ACER3: variants seen among roughly 807,000 people sequenced by gnomAD.
The protein encoded by ACER3 is alkCDase 3.
A neutral mutation model predicts 48.9 loss-of-function variants in ACER3; 16 were observed. The observed-to-expected ratio is 0.33, with a 90% confidence interval of 0.22 to 0.50. The LOEUF is 0.50. Among genes scored for constraint, ACER3 ranks in the 20% least tolerant of loss-of-function variants. The probability of loss-of-function intolerance (pLI) is 0.98; values close to 1 mark genes in which losing one functional copy is unlikely to be tolerated. For synonymous variants in ACER3, 109 were observed against 107.8 expected (o/e 1.01, Z -0.07); for missense variants, 227 against 326.0 (o/e 0.70, Z 2.34).
intron 1 of ACER3, among the ~76,000 whole-genome samples, chr11:76,867,063 C>T (rs891295398): frequency 6.6e-6 from 1 of 152,128 alleles, no homozygotes; most frequent in Non-Finnish European, 1.5e-5. Flanking sequence ...AAAAGAATTA[C>T]CCGGTTAAAA....
chr11:76,949,157 G>C (rs1947566193), intron 2 of ACER3, among the ~76,000 whole-genome samples: 1 of 152,150 alleles, frequency 6.6e-6, no homozygotes, highest in Non-Finnish European at 1.5e-5. Context: ...TGAATCCAGA[G>C]GTTCCAACTG....
At chr11:77,011,345 A>G in intron 7 of ACER3, 3 of 985,560 alleles carry the variant, frequency 3.0e-6, no homozygotes, top group Non-Finnish European at 3.6e-6. Flanking sequence ...TATTGCTTTG[A>G]ACTGCCCCTG....
At chr11:76,894,088 C>T (rs1945872974) in intron 1 of ACER3, among the ~76,000 whole-genome samples, 1 of 152,038 alleles carries the variant, frequency 6.6e-6, no homozygotes, top group Non-Finnish European at 1.5e-5. Context: ...CCCAAGAGTT[C>T]AAGACCAGTT....
At position 77,025,181 on chromosome 11, in the gene ACER3, T is replaced by A. The variant is rs1721788464; in HGVS notation, c.*4854T>A. On this transcript the variant is annotated 3_prime_UTR_variant, in exon 11 of 11. Coordinates refer to ENST00000532485, the MANE Select transcript of ACER3 (RefSeq NM_018367.7). ...ATTAACTCTAAAGTTGCAGCAACCA[T>A]ATTTATTAGAGAAATCTTTAAGCAT... 6.6e-6 allele frequency: 1 copy of A among 152,136 alleles called. No individual in the cohort carries two copies. 9.4% of individuals were successfully genotyped at this position (152,136 alleles called of 1,614,324 possible).
At chr11:76,942,275 C>T (rs542216935) in intron 2 of ACER3, among the ~76,000 whole-genome samples, 1 of 152,194 alleles carries the variant, frequency 6.6e-6, no homozygotes, top group East Asian at 1.9e-4. Context: ...TCAACTTTTC[C>T]ACATTAAGTA....
intron 3 of ACER3, among the ~76,000 whole-genome samples, chr11:76,966,807 A>G (rs1376151486): frequency 1.3e-5 from 2 of 151,336 alleles, no homozygotes; most frequent in Non-Finnish European, 2.9e-5. Context: ...CATTCAAAGC[A>G]GTGTGTAGAG....
intron 6 of ACER3, chr11:76,994,108 T>C (rs1948862151): frequency 2.3e-6 from 1 of 443,356 alleles, no homozygotes; most frequent in African/African-American, 2.1e-5. Flanking sequence ...ATTTATTTTA[T>C]TCAACTATAT....
chr11:76,962,352 TG>T (rs1452358619), intron 3 of ACER3, among the ~76,000 whole-genome samples: 5 of 150,402 alleles, frequency 3.3e-5, no homozygotes, highest in Non-Finnish European at 7.4e-5. Context: ...CCTGAGTAGC[TG>T]GGGTTATAAG....
intron 3 of ACER3, among the ~76,000 whole-genome samples, chr11:76,974,510 G>A (rs1948387268): frequency 6.6e-6 from 1 of 152,212 alleles, no homozygotes; most frequent in Non-Finnish European, 1.5e-5. Flanking sequence ...GGAAGTAGAA[G>A]TCAGATATGA....
intron 1 of ACER3, among the ~76,000 whole-genome samples, chr11:76,901,489 G>A (rs1409743072): frequency 2.0e-5 from 3 of 152,068 alleles, no homozygotes; most frequent in Admixed American, 6.6e-5. Flanking sequence ...AAATCCAACT[G>A]CCTTTGCACA....
intron 6 of ACER3, among the ~76,000 whole-genome samples, chr11:76,997,024 C>T (rs572722700): frequency 2.6e-5 from 4 of 152,326 alleles, no homozygotes; most frequent in Admixed American, 6.5e-5. Context: ...CCACACCCGG[C>T]CTCTGTTACT....
rs1555025262 is a variant in ACER3, at chr11:77,024,342, G to T, written c.*4015G>T. ...TGTTAAAATATCTAACTACGTAATT[G>T]CTACATGGGGGAGCTGCTGGTGTTG... On this transcript the variant is annotated 3_prime_UTR_variant, in exon 11 of 11. Coordinates refer to ENST00000532485, the MANE Select transcript of ACER3 (RefSeq NM_018367.7). The T allele has an allele frequency of 7.0e-6, 1 of 143,078 alleles. No individual in the cohort carries two copies. The highest frequency in any genetic ancestry group is 2.5e-5 in the African/African-American group (1 of 40,024). The allele number at this position is 143,078 out of a possible 1,614,324, so 8.9% of individuals were successfully genotyped here. A position where few individuals can be genotyped will look rare whatever the true frequency, so the allele number is the denominator to read the frequency against.
intron 2 of ACER3, among the ~76,000 whole-genome samples, chr11:76,933,974 C>T (rs946994512): frequency 7.8e-5 from 11 of 141,480 alleles, no homozygotes; most frequent in African/African-American, 2.4e-4. Flanking sequence ...TAGACGGGGT[C>T]GCGGCTGTGC....
intron 7 of ACER3, among the ~76,000 whole-genome samples, chr11:77,008,358 T>A (rs2135299856): frequency 6.6e-6 from 1 of 152,368 alleles, no homozygotes. Context: ...TCAAGTCTGA[T>A]AGACAGGGTA....
chr11:76,897,970 C>T (rs1170454546), intron 1 of ACER3, among the ~76,000 whole-genome samples: 1 of 152,012 alleles, frequency 6.6e-6, no homozygotes, highest in East Asian at 1.9e-4. Context: ...AAGATGTGCA[C>T]CCAAGAGTTG....
At chr11:76,946,793 G>T (rs1947485620) in intron 2 of ACER3, among the ~76,000 whole-genome samples, 2 of 152,204 alleles carry the variant, frequency 1.3e-5, no homozygotes, top group Admixed American at 6.5e-5. Context: ...TCTAGGCTTG[G>T]ATGCCTGTGG....
At chr11:76,890,214 T>C (rs1241979480) in intron 1 of ACER3, among the ~76,000 whole-genome samples, 5 of 152,190 alleles carry the variant, frequency 3.3e-5, no homozygotes, top group African/African-American at 4.8e-5. Flanking sequence ...TCAATAAATA[T>C]TTATTGGATG....
intron 1 of ACER3, among the ~76,000 whole-genome samples, chr11:76,879,858 A>G (rs1270890341): frequency 1.4e-5 from 2 of 146,910 alleles, no homozygotes; most frequent in South Asian, 2.1e-4. Context: ...ATCTTTGTTC[A>G]TAAGAGATTT....
chr11:76,965,145 G>A (rs1465273232), intron 3 of ACER3, among the ~76,000 whole-genome samples: 7 of 151,310 alleles, frequency 4.6e-5, no homozygotes, highest in East Asian at 1.9e-4. Context: ...ACCACGGCAC[G>A]AGAACTACGT....
Sources: gnomAD v4.1 joint callset for allele counts (sites outside exome capture counted in the v4.1 genomes callset) on GRCh38, gnomAD v4.1.1 for gene constraint, MANE v1.5 for transcripts, NCBI Gene and HGNC (gene_info 2026-07-23, HGNC 2026-07-21) for gene names.